ERN1: variants seen among roughly 807,000 people sequenced by gnomAD.
ERN1 encodes endoplasmic reticulum to nucleus signaling 1.
A neutral mutation model predicts 113.1 loss-of-function variants in ERN1; 39 were observed. The ratio of observed to expected loss-of-function variants is 0.34; its 90% CI spans 0.27 to 0.45. ERN1 has a LOEUF of 0.45. Ranked by LOEUF, ERN1 falls within the 20% of genes least tolerant of loss-of-function variation. The probability of loss-of-function intolerance (pLI) is 1.00; values close to 1 mark genes in which losing one functional copy is unlikely to be tolerated. For synonymous variants in ERN1, 507 were observed against 515.9 expected, an observed-to-expected ratio of 0.98 and a Z score of 0.23; for missense variants, 976 against 1,274.8, an observed-to-expected ratio of 0.77 and a Z score of 3.57.
Position 64,044,943 on chromosome 17 carries a change from G to C in ERN1, c.2654-16C>G. On this transcript the variant is annotated splice_polypyrimidine_tract_variant and intron_variant, in intron 20 of 21. Coordinates refer to ENST00000433197, the MANE Select transcript of ERN1 (RefSeq NM_001433.5). This position sits in a 1 kb window ranked among gnomAD's most constrained non-coding sequence, Gnocchi z 4.1. ...TTACGCAGGTCTAGAAAAACATTGA[G>C]GGAAGCAATGGGTAATCAAATTTAA... 6.5e-7 allele frequency: 1 copy of C among 1,532,646 alleles called. No homozygotes were observed. Among genetic ancestry groups the C allele is most frequent in the South Asian group, 1.2e-5 (1 of 85,048 alleles). The allele number at this position is 1,532,646 out of a possible 1,614,324, so 94.9% of individuals were successfully genotyped here.
At chr17:64,076,989 C>G (rs1434018549) in intron 4 of ERN1, among the ~76,000 whole-genome samples, 1 of 152,196 alleles carries the variant, frequency 6.6e-6, no homozygotes, top group Non-Finnish European at 1.5e-5. Context: ...GGGGATATCA[C>G]CCACAGGGCT....
At position 64,068,182 on chromosome 17, in the gene ERN1, G is replaced by T. The variant is rs1282591191; in HGVS notation, c.580+8C>A. The T allele has an allele frequency of 6.3e-7, 1 of 1,593,022 alleles. No homozygotes were observed. Among genetic ancestry groups the T allele is most frequent in the Non-Finnish European group, 8.6e-7 (1 of 1,166,034 alleles). Reference sequence around the variant, plus strand: ...CCAAGCTTGTGAAATCCAGCAGAGAGCACTTACTGTAGTCCACGTCGTCCT... The same window carrying T: ...CCAAGCTTGTGAAATCCAGCAGAGATCACTTACTGTAGTCCACGTCGTCCT... On this transcript the variant is annotated splice_region_variant and intron_variant, in intron 7 of 21. Coordinates refer to ENST00000433197, the MANE Select transcript of ERN1 (RefSeq NM_001433.5).
intron 1 of ERN1, among the ~76,000 whole-genome samples, chr17:64,116,003 A>G (rs547081074): frequency 1.3e-5 from 2 of 152,220 alleles, no homozygotes; most frequent in Non-Finnish European, 2.9e-5. Context: ...GAACATAGTC[A>G]TTTCCAATCC....
chr17:64,073,399 T>C (rs1457454246), intron 5 of ERN1, among the ~76,000 whole-genome samples: 1 of 147,652 alleles, frequency 6.8e-6, no homozygotes, highest in African/African-American at 2.5e-5. Flanking sequence ...ATGGTCTCCA[T>C]CTCCTGACTT....
intron 1 of ERN1, among the ~76,000 whole-genome samples, chr17:64,117,262 G>A (rs1914832857): frequency 6.6e-6 from 1 of 152,028 alleles, no homozygotes; most frequent in Admixed American, 6.5e-5. Context: ...GGGCAACATG[G>A]CGAAACCCCG....
chr17:64,043,757 C>CGTAA lies in ERN1; in HGVS notation c.*227_*230dup. ...GGCCCTCCTTTGCAGACATCATGAC[C>CGTAA]GTAAGGCTTTTGGGGCCAGCATCTT... is the stretch of plus-strand genomic sequence containing the variant. On this transcript the variant is annotated 3_prime_UTR_variant, in exon 22 of 22. Transcript: ENST00000433197. 2 of 438,330 alleles carry CGTAA rather than the reference C, an allele frequency of 4.6e-6. No homozygotes were observed. The highest frequency in any genetic ancestry group is 8.1e-6 in the Non-Finnish European group (2 of 247,894). The allele number at this position is 438,330 out of a possible 1,614,324, so 27.2% of individuals were successfully genotyped here.
chr17:64,125,647 C>A (rs1180406748), intron 1 of ERN1, among the ~76,000 whole-genome samples: 1 of 152,160 alleles, frequency 6.6e-6, no homozygotes, highest in Non-Finnish European at 1.5e-5. Flanking sequence ...TGCCACCTTG[C>A]CCAGCTAATT....
chr17:64,086,493 C>T (rs185861758), intron 2 of ERN1, among the ~76,000 whole-genome samples: 89 of 152,138 alleles, frequency 5.8e-4, no homozygotes, highest in African/African-American at 2.1e-3. Flanking sequence ...TAAGAATTTA[C>T]CACAATCTGT....
intron 2 of ERN1, among the ~76,000 whole-genome samples, chr17:64,090,444 C>T (rs1914057024): frequency 6.6e-6 from 1 of 151,964 alleles, no homozygotes; most frequent in Non-Finnish European, 1.5e-5. Flanking sequence ...ATCATGAAGG[C>T]ACTGAAGACA....
intron 12 of ERN1, 97 bp from the exon 13 acceptor site, chr17:64,056,045 G>C: frequency 6.9e-7 from 1 of 1,445,238 alleles, no homozygotes; most frequent in Non-Finnish European, 9.1e-7. Context: ...GGGAGCATGT[G>C]TACTTTATGT....
At chr17:64,064,649 A>C (rs1054654567) in intron 9 of ERN1, among the ~76,000 whole-genome samples, 2 of 152,234 alleles carry the variant, frequency 1.3e-5, no homozygotes, top group Non-Finnish European at 2.9e-5. Context: ...GATCAGGACA[A>C]ACAGCTAGGA....
intron 8 of ERN1, 123 bp downstream of exon 8, chr17:64,066,548 A>G (rs1913231420): frequency 8.3e-7 from 1 of 1,211,362 alleles, no homozygotes; most frequent in South Asian, 1.5e-5. Flanking sequence ...TTGGCTCTGA[A>G]TATTCCTCAT....
chr17:64,083,204 G>A (rs1277898181), intron 2 of ERN1, among the ~76,000 whole-genome samples: 1 of 152,030 alleles, frequency 6.6e-6, no homozygotes, highest in East Asian at 1.9e-4. Context: ...CGGGAACACT[G>A]GAGTGTTATT....
intron 4 of ERN1, among the ~76,000 whole-genome samples, chr17:64,077,619 C>T (rs961396118): frequency 1.3e-5 from 2 of 152,114 alleles, no homozygotes; most frequent in Non-Finnish European, 2.9e-5. Context: ...TCCTCATCAC[C>T]GTGCATGCCG....
intron 12 of ERN1, among the ~76,000 whole-genome samples, chr17:64,056,757 C>T (rs948028513): frequency 4.6e-5 from 7 of 152,272 alleles, no homozygotes; most frequent in East Asian, 1.9e-4. Flanking sequence ...GCTGGGTACC[C>T]GTGGGGAAAG....
At chr17:64,087,958 G>A (rs1208517778) in intron 2 of ERN1, among the ~76,000 whole-genome samples, 3 of 152,188 alleles carry the variant, frequency 2.0e-5, no homozygotes, top group Non-Finnish European at 4.4e-5. Context: ...TGATAAGTCA[G>A]CTGAACAGAA....
In ERN1 at chr17:64,057,905, C is replaced by T. The variant is rs778878997; in HGVS notation, c.1295G>A (p.Arg432Gln). 5.6e-6 allele frequency: 9 copies of T among 1,612,798 alleles called. No homozygotes were observed. The highest frequency in any genetic ancestry group is 1.7e-5 in the Admixed American group (1 of 59,852). ...VEEKPAHAPARPEAPVDSMLK... is the reference protein window; with the variant it reads ...VEEKPAHAPAQPEAPVDSMLK... The stretch of plus-strand genomic sequence containing the variant: ...CATGGAGTCCACGGGGGCCTCGGGC[C>T]GGGCAGGGGCATGGGCGGGCTTCTC... The change falls in exon 12 of 22, where the codon CGG (arginine) becomes CAG (glutamine). Residue 432 changes from arginine to glutamine, a missense_variant. Arg to Gln is a conservative substitution (Grantham distance 43). Transcript: ENST00000433197.
chr17:64,075,251 T>TTAA lies in ERN1; in HGVS notation c.283-5_283-4insTTA. ...CTGGGATGGTAAAAGGAAGTTTCTTTAAAAAAAAAAAAAAAGAAAAAAAAA... is the reference window on the plus strand; with the variant it reads ...CTGGGATGGTAAAAGGAAGTTTCTTTTAAAAAAAAAAAAAAAAAGAAAAAAAAA... On this transcript the variant is annotated splice_polypyrimidine_tract_variant and splice_region_variant and intron_variant, in intron 4 of 21. Coordinates refer to ENST00000433197, the MANE Select transcript of ERN1 (RefSeq NM_001433.5). The TTAA allele has an allele frequency of 7.8e-7, 1 of 1,288,336 alleles. No individual in the cohort carries two copies. The highest frequency in any genetic ancestry group is 1.0e-6 in the Non-Finnish European group (1 of 980,732). The allele number at this position is 1,288,336 out of a possible 1,614,324, so 79.8% of individuals were successfully genotyped here. A position where few individuals can be genotyped will look rare whatever the true frequency, so the allele number is the denominator to read the frequency against.
At chr17:64,061,268 AG>A (rs1254814805) in intron 10 of ERN1, among the ~76,000 whole-genome samples, 1 of 152,258 alleles carries the variant, frequency 6.6e-6, no homozygotes, top group African/African-American at 2.4e-5. Context: ...GGGATTTGAT[AG>A]GGCTTGATAA....
Sources: gnomAD v4.1 joint callset for allele counts (sites outside exome capture counted in the v4.1 genomes callset) on GRCh38, gnomAD v4.1.1 for gene constraint, Gnocchi (gnomAD v3.1) non-coding constraint, MANE v1.5 for transcripts, NCBI Gene and HGNC (gene_info 2026-07-23, HGNC 2026-07-21) for gene names.